NRP2: variants seen among roughly 807,000 people sequenced by gnomAD.
The protein encoded by NRP2 is neuropilin 2.
Under a neutral mutation model 110.4 loss-of-function variants are expected in NRP2, and 52 were observed. The observed-to-expected ratio is 0.47, with a 90% CI of 0.38 to 0.59. The LOEUF (loss-of-function observed/expected upper bound fraction) is 0.59. Among genes scored for constraint, NRP2 ranks in the 20% least tolerant of loss-of-function variants. The pLI is 0.00. For missense variants in NRP2, 1,049 were observed against 1,203.0 expected (o/e 0.87, Z 1.89); for synonymous variants, 508 against 468.9 (o/e 1.08, Z -1.08).
At chr2:205,782,984 C>T (rs1450092791) in intron 15 of NRP2, among the ~76,000 whole-genome samples, 1 of 152,056 alleles carries the variant, frequency 6.6e-6, no homozygotes, top group Non-Finnish European at 1.5e-5. Flanking sequence ...TTAGTAGGTG[C>T]TATAAAAGGC....
At chr2:205,724,695 C>G (rs370719723) in intron 5 of NRP2, among the ~76,000 whole-genome samples, 9 of 117,796 alleles carry the variant, frequency 7.6e-5, no homozygotes, top group African/African-American at 3.0e-4. Flanking sequence ...CAGAGTCTCT[C>G]TCTGTTGCCC....
chr2:205,729,530 C>T (rs755747274), intron 7 of NRP2, among the ~76,000 whole-genome samples: 59 of 150,330 alleles, frequency 3.9e-4, no homozygotes, highest in Non-Finnish European at 2.5e-4. Context: ...AGCTAGCAGA[C>T]GAGGGCCAGA....
chr2:205,782,552 T>G (rs2058187143), intron 15 of NRP2, among the ~76,000 whole-genome samples: 1 of 152,168 alleles, frequency 6.6e-6, no homozygotes, highest in Non-Finnish European at 1.5e-5. Flanking sequence ...AGGGATGGTT[T>G]GAGGAGTATG....
chr2:205,727,364 T>G (rs1443643331), intron 6 of NRP2, among the ~76,000 whole-genome samples: 2 of 152,250 alleles, frequency 1.3e-5, no homozygotes, highest in African/African-American at 4.8e-5. Context: ...GCCTAATTGC[T>G]TGGGCAGACT....
chr2:205,756,769 G>C (rs1450378383), intron 12 of NRP2: 14 of 152,180 alleles, frequency 9.2e-5, no homozygotes, highest in Non-Finnish European at 2.1e-4. Flanking sequence ...TGTGTCTTCT[G>C]TGGGATCCCT....
Position 205,683,305 on chromosome 2 carries a change from T to G in NRP2, c.15T>G (p.Pro5=). 1.9e-6 allele frequency: 3 copies of G among 1,613,744 alleles called. No individual in the cohort carries two copies. Among genetic ancestry groups the G allele is most frequent in the Non-Finnish European group, 2.5e-6 (3 of 1,179,682 alleles). ...CCTTCTCCAAAATGGATATGTTTCC[T>G]CTCACCTGGGTTTTCTTAGCCCTCT... The part of the protein sequence containing the change: MDMF[P]LTWVFLALYF... Residue 5 remains proline (P), a synonymous_variant, in exon 1 of 17, where the codon CCT becomes CCG. Transcript: ENST00000357785.
intron 2 of NRP2, among the ~76,000 whole-genome samples, chr2:205,698,202 T>G (rs1317249144): frequency 6.7e-6 from 1 of 149,878 alleles, no homozygotes; most frequent in Non-Finnish European, 1.5e-5. Context: ...ACTGGTTTTC[T>G]TATAGAAAAA....
chr2:205,754,592 C>G (rs1163782061), intron 12 of NRP2, among the ~76,000 whole-genome samples: 1 of 152,188 alleles, frequency 6.6e-6, no homozygotes, highest in Non-Finnish European at 1.5e-5. Flanking sequence ...TAATGAGCCT[C>G]CTGCACGTTG....
chr2:205,705,824 G>A (rs1171389915), intron 2 of NRP2, among the ~76,000 whole-genome samples: 3 of 152,062 alleles, frequency 2.0e-5, no homozygotes, highest in African/African-American at 7.2e-5. Context: ...GCTGTCATCT[G>A]CTGTCCCAGT....
At chr2:205,782,387 G>T (rs73066193) in intron 15 of NRP2, among the ~76,000 whole-genome samples, 1,606 of 152,272 alleles carry the variant, frequency 0.011, 31 homozygotes, top group African/African-American at 0.037. Context: ...TGATACTGAT[G>T]ATACAGGGAG....
At chr2:205,776,682 A>G (rs1559364195) in intron 15 of NRP2, 1 of 1,531,760 alleles carries the variant, frequency 6.5e-7, no homozygotes, top group African/African-American at 1.4e-5. Flanking sequence ...AATCCCAACC[A>G]TCCTCCTTGG....
At chr2:205,733,601 G>T (rs1170614268) in intron 7 of NRP2, among the ~76,000 whole-genome samples, 1 of 152,130 alleles carries the variant, frequency 6.6e-6, no homozygotes, top group Non-Finnish European at 1.5e-5. Context: ...CCCCACCTGG[G>T]AGTTAAAGGC....
intron 2 of NRP2, among the ~76,000 whole-genome samples, chr2:205,711,459 C>A (rs863707): frequency 0.49 from 75,230 of 151,994 alleles, 22,565 homozygotes; most frequent in East Asian, 0.81. Context: ...GTGGAGGTAA[C>A]ATTTGTCCTT....
chr2:205,770,910 T>G (rs1208063366), intron 15 of NRP2, among the ~76,000 whole-genome samples: 1 of 152,184 alleles, frequency 6.6e-6, no homozygotes, highest in Non-Finnish European at 1.5e-5. Context: ...TGAGGTTCGC[T>G]GGAGCATGCC....
At chr2:205,706,024 C>A (rs547462930) in intron 2 of NRP2, among the ~76,000 whole-genome samples, 1 of 152,070 alleles carries the variant, frequency 6.6e-6, no homozygotes, top group Middle Eastern at 3.4e-3. Context: ...CTCAGTCCAT[C>A]GTCTCTCTCT....
At position 205,697,554 on chromosome 2, in the gene NRP2, C is replaced by T. The variant is rs754556219; in HGVS notation, c.84C>T (p.Cys28=). ...TGATTTCTCTTTCAGACCCACCGTG[C>T]GGAGGTCGTTTGAATTCCAAAGATG... ...HQVRGQPDPP[C]GGRLNSKDAG... The change falls in exon 2 of 17, where the codon TGC becomes TGT. Residue 28 remains cysteine, a synonymous_variant. Transcript: ENST00000357785. 22 of 1,613,700 alleles carry T rather than the reference C, an allele frequency of 1.4e-5. No homozygotes were observed. The highest frequency in any genetic ancestry group is 4.5e-5 in the East Asian group (2 of 44,886).
intron 7 of NRP2, among the ~76,000 whole-genome samples, chr2:205,735,192 G>A (rs1158467861): frequency 6.6e-6 from 1 of 151,960 alleles, no homozygotes; most frequent in Non-Finnish European, 1.5e-5. Context: ...GGTATTGATA[G>A]CAAAGATGAA....
At chr2:205,732,896 G>A (rs1194482277) in intron 7 of NRP2, among the ~76,000 whole-genome samples, 1 of 152,034 alleles carries the variant, frequency 6.6e-6, no homozygotes, top group Non-Finnish European at 1.5e-5. Flanking sequence ...AAACCTCCTG[G>A]CAGATGATGG....
chr2:205,684,298 C>A (rs2056092243), intron 1 of NRP2, among the ~76,000 whole-genome samples: 1 of 152,148 alleles, frequency 6.6e-6, no homozygotes, highest in South Asian at 2.1e-4. Context: ...AGTGAGCCTC[C>A]CTACCCCTCT....
Sources: gnomAD v4.1 joint callset for allele counts (sites outside exome capture counted in the v4.1 genomes callset) on GRCh38, gnomAD v4.1.1 for gene constraint, MANE v1.5 for transcripts, NCBI Gene and HGNC (gene_info 2026-07-23, HGNC 2026-07-21) for gene names.